NCOA1: variants seen among roughly 807,000 people sequenced by gnomAD.
NCOA1 encodes nuclear receptor coactivator 1.
NCOA1 carries 35 observed loss-of-function variants against 150.9 expected under a neutral mutation model. The observed-to-expected ratio is 0.23, with a 90% CI of 0.18 to 0.31. NCOA1 has a LOEUF of 0.31. Among genes scored for constraint, NCOA1 ranks in the 10% least tolerant of loss-of-function variants. The probability of loss-of-function intolerance (pLI) is 1.00; values close to 1 mark genes in which losing one functional copy is unlikely to be tolerated. For missense variants in NCOA1, 1,491 were observed against 1,749.3 expected (o/e 0.85, Z 2.63); for synonymous variants, 590 against 630.0 (o/e 0.94, Z 0.95).
At chr2:24,531,353 A>G (rs1339467471) in intron 1 of NCOA1, among the ~76,000 whole-genome samples, 1 of 152,202 alleles carries the variant, frequency 6.6e-6, no homozygotes, top group Non-Finnish European at 1.5e-5. Flanking sequence ...ATGCGTGGGT[A>G]AAGAAAATGT....
chr2:24,725,445 T>A (rs1410563974), intron 14 of NCOA1, among the ~76,000 whole-genome samples: 1 of 152,068 alleles, frequency 6.6e-6, no homozygotes, highest in Admixed American at 6.6e-5. Flanking sequence ...CCTGAACTCC[T>A]CTTCTTGGAA....
intron 1 of NCOA1, among the ~76,000 whole-genome samples, chr2:24,561,033 G>T (rs935278791): frequency 3.9e-5 from 6 of 152,142 alleles, no homozygotes; most frequent in Non-Finnish European, 8.8e-5. Context: ...ATGGAATATT[G>T]TAGAGCTGTA....
intron 1 of NCOA1, among the ~76,000 whole-genome samples, chr2:24,562,600 T>G (rs551809092): frequency 6.8e-4 from 103 of 152,324 alleles, no homozygotes; most frequent in African/African-American, 2.5e-3. Flanking sequence ...AGGACCTGAT[T>G]AATGGTGCAT....
chr2:24,698,738 A>G (rs931496903), intron 11 of NCOA1, among the ~76,000 whole-genome samples: 2 of 152,182 alleles, frequency 1.3e-5, no homozygotes, highest in Non-Finnish European at 2.9e-5. Context: ...ATTTAAAAAT[A>G]TGTTTCATTA....
In NCOA1 at chr2:24,685,507, T is replaced by A. The variant is rs181348434; in HGVS notation, c.532+2379T>A. On this transcript the variant is annotated intron_variant, in intron 8 of 22. Transcript: ENST00000348332. Reference sequence around the variant, plus strand: ...TTGGAACTTGAAGTTTGAAAAAAAATTTTAAAAAGCAAGTCGTTATAAATT... The same window carrying A: ...TTGGAACTTGAAGTTTGAAAAAAAAATTTAAAAAGCAAGTCGTTATAAATT... Among the ~76,000 whole-genome samples the A allele has an allele frequency of 7.9e-5, 12 of 152,266 alleles. No individual in the cohort carries two copies. In the East Asian group the frequency reaches 1.3e-3, roughly 17 times the overall value.
intron 14 of NCOA1, among the ~76,000 whole-genome samples, chr2:24,726,071 G>A (rs1558317754): frequency 6.6e-6 from 1 of 151,914 alleles, no homozygotes; most frequent in East Asian, 1.9e-4. Context: ...ATCATTATAA[G>A]TCTCAGTTCT....
intron 3 of NCOA1, among the ~76,000 whole-genome samples, chr2:24,641,200 A>G (rs1454450575): frequency 6.6e-6 from 1 of 151,538 alleles, no homozygotes; most frequent in Non-Finnish European, 1.5e-5. Context: ...GTAATACTTT[A>G]TGTAAAATTT....
intron 3 of NCOA1, among the ~76,000 whole-genome samples, chr2:24,609,949 C>T (rs1260770563): frequency 3.3e-5 from 5 of 151,614 alleles, no homozygotes; most frequent in South Asian, 2.1e-4. Context: ...TTTAGTGATA[C>T]GGTTTTAAGT....
chr2:24,519,089 T>G (rs1397229960), intron 1 of NCOA1, among the ~76,000 whole-genome samples: 1 of 152,218 alleles, frequency 6.6e-6, no homozygotes, highest in Non-Finnish European at 1.5e-5. Context: ...AAAACTATAG[T>G]AATCACAATA....
At chr2:24,530,782 T>C (rs971585939) in intron 1 of NCOA1, among the ~76,000 whole-genome samples, 1 of 152,202 alleles carries the variant, frequency 6.6e-6, no homozygotes, top group Non-Finnish European at 1.5e-5. Context: ...GAGAAATGTC[T>C]TGAAGGGGAA....
intron 6 of NCOA1, among the ~76,000 whole-genome samples, chr2:24,670,370 A>C (rs186903134): frequency 6.3e-4 from 96 of 152,332 alleles, no homozygotes; most frequent in Non-Finnish European, 9.6e-4. Flanking sequence ...AAATTTGTAC[A>C]TGAATGTTCA....
Position 24,518,429 on chromosome 2 carries a change from A to G in NCOA1, c.-396+26827A>G, listed in dbSNP as rs534691532. ...AAATGCATTCCCTCCATAAACACAG[A>G]CAAGGGAAGTATATCTCTTCTTACC... On this transcript the variant is annotated intron_variant, in intron 1 of 22. Transcript: ENST00000348332. Among the ~76,000 whole-genome samples the G allele has an allele frequency of 2.6e-5, 4 of 152,294 alleles. No homozygotes were observed. In the East Asian group the frequency reaches 7.7e-4, roughly 29 times the overall value.
At chr2:24,674,123 A>ATGCGTG in intron 7 of NCOA1, among the ~76,000 whole-genome samples, 1 of 145,598 alleles carries the variant, frequency 6.9e-6, no homozygotes, top group South Asian at 2.2e-4. Context: ...ATATGTATGT[A>ATGCGTG]TGTGTGTGTG....
chr2:24,624,694 A>T (rs1333041783), intron 3 of NCOA1, among the ~76,000 whole-genome samples: 2 of 152,238 alleles, frequency 1.3e-5, no homozygotes, highest in African/African-American at 4.8e-5. Context: ...TTGCTGCTAA[A>T]TGATGAAACA....
Position 24,691,503 on chromosome 2 carries a change from A to G in NCOA1, c.555A>G (p.Gln185=), listed in dbSNP as rs1318907663. ...KSLVNGVPWP[Q]EATRRNSHTF... Reference sequence around the variant, plus strand: ...CAGTAAATGGAGTTCCTTGGCCTCAAGAGGCAACACGACGAAATAGCCATA... The same window carrying G: ...CAGTAAATGGAGTTCCTTGGCCTCAGGAGGCAACACGACGAAATAGCCATA... Residue 185 remains glutamine, a synonymous_variant, in exon 9 of 23, where the codon CAA becomes CAG. Transcript: ENST00000348332. 1 of 1,613,986 alleles carries G rather than the reference A, an allele frequency of 6.2e-7. No homozygotes were observed. Among genetic ancestry groups the G allele is most frequent in the Non-Finnish European group, 8.5e-7 (1 of 1,179,942 alleles).
intron 3 of NCOA1, among the ~76,000 whole-genome samples, chr2:24,629,817 C>CATATATATATATATATAT (rs57598398): frequency 7.8e-4 from 62 of 79,324 alleles, no homozygotes; most frequent in African/African-American, 2.6e-3. Flanking sequence ...AACATACATA[C>CATATATATATATATATAT]ATATATATAT....
At chr2:24,497,879 G>T (rs528766299) in intron 1 of NCOA1, among the ~76,000 whole-genome samples, 1 of 151,938 alleles carries the variant, frequency 6.6e-6, no homozygotes, top group South Asian at 2.1e-4. Flanking sequence ...GGAACAAATT[G>T]CTTGGTCATT....
intron 3 of NCOA1, among the ~76,000 whole-genome samples, chr2:24,619,662 T>C (rs1007305163): frequency 2.0e-5 from 3 of 152,158 alleles, no homozygotes; most frequent in African/African-American, 4.8e-5. Flanking sequence ...AGAATACTTA[T>C]GGTGTAATTA....
chr2:24,614,387 T>C (rs1045378049), intron 3 of NCOA1, among the ~76,000 whole-genome samples: 3 of 150,956 alleles, frequency 2.0e-5, no homozygotes, highest in African/African-American at 7.3e-5. Flanking sequence ...CTGGCTACTT[T>C]TTTGTTTTTG....
Sources: allele counts gnomAD v4.1 joint callset (sites outside exome capture counted in the v4.1 genomes callset), GRCh38; gene constraint gnomAD v4.1.1; transcripts MANE v1.5; gene names NCBI Gene and HGNC (gene_info 2026-07-23, HGNC 2026-07-21).